The following SDAD1 variants were observed in gnomAD, a reference collection of about 807,000 sequenced individuals.
The protein encoded by SDAD1 is SDA1 domain containing 1.
Under a neutral mutation model 100.3 loss-of-function variants are expected in SDAD1, and 79 were observed. The ratio of observed to expected loss-of-function variants is 0.79; its 90% CI spans 0.66 to 0.95. The LOEUF is 0.95. Among genes scored for constraint, SDAD1 ranks in the 40% least tolerant of loss-of-function variants. The pLI is 0.00. For missense variants in SDAD1, 790 were observed against 810.9 expected (o/e 0.97, Z 0.31); for synonymous variants, 267 against 271.4 (o/e 0.98, Z 0.16).
intron 3 of SDAD1, among the ~76,000 whole-genome samples, chr4:75,978,165 G>A (rs1015636477): frequency 4.0e-4 from 60 of 151,482 alleles, no homozygotes; most frequent in African/African-American, 1.3e-3. Context: ...ATGACCTTAC[G>A]AGGCATTCTT....
chr4:75,990,940 G>A lies in SDAD1; in HGVS notation c.-99C>T, dbSNP rs1343702086. The A allele has an allele frequency of 4.9e-6, 7 of 1,424,960 alleles. No homozygotes were observed. Among genetic ancestry groups the A allele is most frequent in the Non-Finnish European group, 6.8e-6 (7 of 1,023,178 alleles). The allele number at this position is 1,424,960 out of a possible 1,614,324, so 88.3% of individuals were successfully genotyped here. A position where few individuals can be genotyped will look rare whatever the true frequency, so the allele number is the denominator to read the frequency against. Reference sequence around the variant, plus strand: ...AGCTGCAGCTTGGACTCGTGTTTCCGGGTATGACCGGAAATAGCGCATGGG... The same window carrying A: ...AGCTGCAGCTTGGACTCGTGTTTCCAGGTATGACCGGAAATAGCGCATGGG... On this transcript the variant is annotated 5_prime_UTR_variant, in exon 1 of 22. Transcript: ENST00000356260.
rs369471934 is a variant in SDAD1, at chr4:75,957,487, C to A, written c.1769+31G>T. 416 of 1,612,084 alleles carry A rather than the reference C, an allele frequency of 2.6e-4. 9 individuals carry two copies. The South Asian group carries it at 4.2e-3, about 16-fold the overall frequency. On this transcript the variant is annotated intron_variant, in intron 19 of 21. Coordinates refer to ENST00000356260, the MANE Select transcript of SDAD1 (RefSeq NM_018115.4). Reference sequence around the variant, plus strand: ...ATGCTTTCATTACCACATGAGCTGACTGAAGTACTAAAGTGGATGTGCCAT... The same window carrying A: ...ATGCTTTCATTACCACATGAGCTGAATGAAGTACTAAAGTGGATGTGCCAT...
At chr4:75,962,505 A>G (rs1470709232) in intron 14 of SDAD1, among the ~76,000 whole-genome samples, 2 of 152,218 alleles carry the variant, frequency 1.3e-5, no homozygotes, top group South Asian at 2.1e-4. Context: ...ACTAGTTTAC[A>G]GTCCCATCAA....
chr4:75,968,073 T>C (rs1729647117), intron 11 of SDAD1, among the ~76,000 whole-genome samples: 1 of 152,004 alleles, frequency 6.6e-6, no homozygotes, highest in Non-Finnish European at 1.5e-5. Context: ...AGGGAAGACT[T>C]TGGTTGAACA....
intron 11 of SDAD1, among the ~76,000 whole-genome samples, chr4:75,968,808 G>A (rs758797108): frequency 6.6e-6 from 1 of 152,088 alleles, no homozygotes; most frequent in African/African-American, 2.4e-5. Context: ...AAGGTGGTCA[G>A]ATCATGAGGT....
intron 8 of SDAD1, among the ~76,000 whole-genome samples, chr4:75,972,139 T>C (rs2149321221): frequency 6.6e-6 from 1 of 152,074 alleles, no homozygotes; most frequent in African/African-American, 2.4e-5. Context: ...GGTTTTGCCA[T>C]GTTGGACAGG....
intron 8 of SDAD1, among the ~76,000 whole-genome samples, chr4:75,971,945 T>G (rs913223223): frequency 6.6e-6 from 1 of 151,282 alleles, no homozygotes; most frequent in African/African-American, 2.4e-5. Flanking sequence ...CACTATTTTT[T>G]TTTTTTTTTT....
intron 1 of SDAD1, among the ~76,000 whole-genome samples, chr4:75,990,436 G>A (rs570911572): frequency 6.6e-6 from 1 of 152,330 alleles, no homozygotes; most frequent in African/African-American, 2.4e-5. Flanking sequence ...GAAGTTGGTG[G>A]TTGGGTGCGG....
At chr4:75,975,067 A>T (rs964424306) in intron 6 of SDAD1, among the ~76,000 whole-genome samples, 10 of 151,776 alleles carry the variant, frequency 6.6e-5, no homozygotes, top group Middle Eastern at 6.8e-3. Flanking sequence ...AATAAAAATT[A>T]AAAAAAATAA....
At chr4:75,957,034 T>G (rs928805855) in intron 20 of SDAD1, among the ~76,000 whole-genome samples, 11 of 152,086 alleles carry the variant, frequency 7.2e-5, no homozygotes, top group Non-Finnish European at 1.6e-4. Context: ...CGCTTGAACC[T>G]AGGAGGCAGA....
At chr4:75,988,935 A>C (rs960829921) in intron 1 of SDAD1, among the ~76,000 whole-genome samples, 1 of 152,130 alleles carries the variant, frequency 6.6e-6, no homozygotes, top group East Asian at 1.9e-4. Flanking sequence ...GGTTATTCTG[A>C]GATCCATTAT....
chr4:75,956,464 C>CAG (rs1728902899), intron 20 of SDAD1, among the ~76,000 whole-genome samples: 1 of 146,472 alleles, frequency 6.8e-6, no homozygotes, highest in African/African-American at 2.5e-5. Flanking sequence ...AGGGGAAAGA[C>CAG]AGAGCATTTC....
At chr4:75,965,701 A>G in intron 13 of SDAD1, 63 bp downstream of exon 13, 1 of 1,359,224 alleles carries the variant, frequency 7.4e-7, no homozygotes, top group Admixed American at 1.7e-5. Context: ...TAGACCCTGA[A>G]GTACCTAACA....
intron 16 of SDAD1, among the ~76,000 whole-genome samples, 178 bp from the exon 17 acceptor site, chr4:75,960,370 G>A (rs1729161814): frequency 6.6e-6 from 1 of 152,098 alleles, no homozygotes. Flanking sequence ...TCCGCCTCCT[G>A]GGCTCAAGGG....
rs150774938 is a variant in SDAD1, at chr4:75,981,403, T to A, written c.263A>T (p.Asn88Ile). ...CAGATCTGGATCCAATACGGTATGATTGCAGGAGAGAAGATCTTTCACCTC... is the reference window on the plus strand; with the variant it reads ...CAGATCTGGATCCAATACGGTATGAATGCAGGAGAGAAGATCTTTCACCTC... ...PQEVKDLLSC[N>I]HTVLDPDLRM... The change falls in exon 3 of 22, where the codon AAT becomes ATT. Residue 88 changes from asparagine (N) to isoleucine (I), a missense_variant. Asn to Ile is a moderately radical substitution (Grantham distance 149). Coordinates refer to ENST00000356260, the MANE Select transcript of SDAD1 (RefSeq NM_018115.4). The A allele has an allele frequency of 5.8e-5, 93 of 1,613,904 alleles. No individual in the cohort carries two copies. In the South Asian group the frequency reaches 9.9e-4, roughly 17 times the overall value.
intron 21 of SDAD1, among the ~76,000 whole-genome samples, chr4:75,952,833 A>G (rs924346919): frequency 3.3e-5 from 5 of 152,236 alleles, no homozygotes; most frequent in African/African-American, 9.6e-5. Context: ...AAAAATGTAC[A>G]ATATTTCACT....
intron 6 of SDAD1, among the ~76,000 whole-genome samples, chr4:75,974,420 A>C (rs1411851882): frequency 7.0e-6 from 1 of 142,964 alleles, no homozygotes; most frequent in African/African-American, 2.6e-5. Flanking sequence ...AAAAAAAAAA[A>C]CAACAACTGA....
At chr4:75,982,836 T>C (rs1341412946) in intron 1 of SDAD1, among the ~76,000 whole-genome samples, 2 of 151,594 alleles carry the variant, frequency 1.3e-5, no homozygotes, top group East Asian at 3.9e-4. Flanking sequence ...GGTATACATG[T>C]GCAGAATGTG....
At chr4:75,971,782 G>C (rs1729880656) in intron 8 of SDAD1, among the ~76,000 whole-genome samples, 1 of 152,080 alleles carries the variant, frequency 6.6e-6, no homozygotes, top group East Asian at 1.9e-4. Context: ...TGAGGCAGGA[G>C]CATCACTTGA....
Sources: allele counts gnomAD v4.1 joint callset (sites outside exome capture counted in the v4.1 genomes callset), GRCh38; gene constraint gnomAD v4.1.1; transcripts MANE v1.5; gene names NCBI Gene and HGNC (gene_info 2026-07-23, HGNC 2026-07-21).